The following FNDC3B variants were observed in gnomAD, a reference collection of about 807,000 sequenced individuals.
FNDC3B encodes fibronectin type III domain containing 3B, also known as fibronectin type III domain-containing protein 3B.
In FNDC3B, 12 loss-of-function variants were observed where a neutral mutation model predicts 151.5. The observed-to-expected ratio is 0.08, with a 90% confidence interval of 0.05 to 0.13. FNDC3B has a LOEUF of 0.13. Among genes scored for constraint, FNDC3B ranks in the 10% least tolerant of loss-of-function variants. The probability of loss-of-function intolerance (pLI) is 1.00; values close to 1 mark genes in which losing one functional copy is unlikely to be tolerated. For synonymous variants in FNDC3B, 528 were observed against 549.0 expected (o/e 0.96, Z 0.54); for missense variants, 1,214 against 1,505.3 (o/e 0.81, Z 3.20).
chr3:172,109,315 G>A (rs540886885), intron 1 of FNDC3B, among the ~76,000 whole-genome samples: 67 of 152,228 alleles, frequency 4.4e-4, no homozygotes, highest in African/African-American at 1.4e-3. Context: ...ACAGGCGCCC[G>A]CCACTGCGCC....
chr3:172,200,693 T>C (rs1055562336), intron 3 of FNDC3B, among the ~76,000 whole-genome samples: 4 of 152,248 alleles, frequency 2.6e-5, no homozygotes, highest in South Asian at 2.1e-4. Context: ...TTGCAACTTA[T>C]GCTGGGTTTA....
In FNDC3B at chr3:172,190,710, C is replaced by G. The variant is rs576366184; in HGVS notation, c.188-36161C>G. Among the ~76,000 whole-genome samples the G allele has an allele frequency of 1.7e-4, 26 of 152,128 alleles. 1 individual carries two copies. The highest frequency in any genetic ancestry group is 6.3e-4 in the African/African-American group (26 of 41,478). ...TGAGATGGAGTTTTGCTCTTATTGC[C>G]CAGGCTGGAGTGCAATGGCACGATC... On this transcript the variant is annotated intron_variant, in intron 3 of 25. Transcript: ENST00000415807.
At chr3:172,334,743 T>G (rs1484492285) in intron 14 of FNDC3B, among the ~76,000 whole-genome samples, 1 of 152,180 alleles carries the variant, frequency 6.6e-6, no homozygotes, top group African/African-American at 2.4e-5. Flanking sequence ...TGCTGGCTGG[T>G]TTTATTTTTA....
chr3:172,130,269 A>G (rs1721005105), intron 2 of FNDC3B, among the ~76,000 whole-genome samples: 1 of 152,202 alleles, frequency 6.6e-6, no homozygotes, highest in South Asian at 2.1e-4. Flanking sequence ...CTCAGTGCCA[A>G]GATGAATATG....
chr3:172,239,552 C>T (rs1188702324), intron 4 of FNDC3B, among the ~76,000 whole-genome samples: 1 of 152,208 alleles, frequency 6.6e-6, no homozygotes, highest in East Asian at 1.9e-4. Context: ...TCATATGTGT[C>T]CACGTGCAGA....
rs769856263 is a variant in FNDC3B at position 172,310,921 on chromosome 3, TC to T, written c.1254+41del. The T allele has an allele frequency of 6.4e-6, 9 of 1,414,074 alleles. No individual in the cohort carries two copies. In the South Asian group the frequency reaches 9.2e-5, roughly 14 times the overall value. 87.6% of individuals were successfully genotyped at this position (1,414,074 alleles called of 1,614,324 possible). On this transcript the variant is annotated intron_variant, in intron 11 of 25. Coordinates refer to ENST00000415807, the MANE Select transcript of FNDC3B (RefSeq NM_022763.4). Reference sequence around the variant, plus strand: ...ATATTCACCCATCTAAAACACCATTTCAAAAACAAAATTAACTGAACAAATG... The same window carrying T: ...ATATTCACCCATCTAAAACACCATTTAAAAACAAAATTAACTGAACAAATG...
chr3:172,257,569 T>TACACACACACAC (rs10582558), intron 6 of FNDC3B, among the ~76,000 whole-genome samples: 15 of 143,872 alleles, frequency 1.0e-4, no homozygotes, highest in African/African-American at 3.6e-4. Flanking sequence ...CACGCATTCA[T>TACACACACACAC]ACACACACAC....
chr3:172,337,714 G>A (rs1281016676), intron 16 of FNDC3B: 3 of 312,080 alleles, frequency 9.6e-6, no homozygotes, highest in South Asian at 5.9e-5. Context: ...TTTGAGATAC[G>A]ATCTCTGTCA....
chr3:172,236,912 T>C (rs1727195839), intron 4 of FNDC3B, among the ~76,000 whole-genome samples: 1 of 152,244 alleles, frequency 6.6e-6, no homozygotes, highest in East Asian at 1.9e-4. Flanking sequence ...CAGGGGTTAC[T>C]GTCATTGGAC....
At chr3:172,346,544 G>GGTT (rs1434400977) in intron 20 of FNDC3B, 104 bp downstream of exon 20, 4 of 324,574 alleles carry the variant, frequency 1.2e-5, no homozygotes, top group Non-Finnish European at 2.2e-5. Flanking sequence ...ACATATAGAT[G>GGTT]ATTTTTTTTT....
chr3:172,344,748 G>A (rs1733522221), intron 19 of FNDC3B, among the ~76,000 whole-genome samples: 1 of 152,148 alleles, frequency 6.6e-6, no homozygotes, highest in African/African-American at 2.4e-5. Flanking sequence ...TCCTTCTATT[G>A]CTCCATTTGG....
chr3:172,137,352 G>A (rs1721423482), intron 3 of FNDC3B, among the ~76,000 whole-genome samples: 2 of 152,294 alleles, frequency 1.3e-5, no homozygotes, highest in South Asian at 4.1e-4. Flanking sequence ...GAAGTTGAAA[G>A]CAAATTAATA....
At chr3:172,221,982 A>G (rs1726299271) in intron 3 of FNDC3B, among the ~76,000 whole-genome samples, 1 of 152,228 alleles carries the variant, frequency 6.6e-6, no homozygotes, top group Non-Finnish European at 1.5e-5. Flanking sequence ...AGCTATTTAA[A>G]AAGACTGAAG....
chr3:172,120,325 T>G (rs1720470462), intron 2 of FNDC3B, among the ~76,000 whole-genome samples: 1 of 152,222 alleles, frequency 6.6e-6, no homozygotes, highest in South Asian at 2.1e-4. Context: ...AATGGCAATT[T>G]TAAAATCTAA....
chr3:172,286,029 A>G, intron 7 of FNDC3B, 45 bp downstream of exon 7: 1 of 1,430,590 alleles, frequency 7.0e-7, no homozygotes, highest in Non-Finnish European at 9.6e-7. Flanking sequence ...TTTTTAAAGT[A>G]TTTCAAATGT....
At chr3:172,285,010 A>G (rs1576872738) in intron 6 of FNDC3B, among the ~76,000 whole-genome samples, 1 of 151,824 alleles carries the variant, frequency 6.6e-6, no homozygotes, top group East Asian at 1.9e-4. Flanking sequence ...CTTTTTTTGT[A>G]CACATCCTTC....
In FNDC3B at chr3:172,347,213, G is replaced by A. The variant is rs1040335747; in HGVS notation, c.2366G>A (p.Ser789Asn). The change falls in exon 21 of 26, where the codon AGT becomes AAT. Residue 789 changes from serine (S) to asparagine (N), a missense_variant and splice_region_variant. Physicochemically the swap from Ser to Asn is conservative, Grantham distance 46. Transcript: ENST00000415807. ...CTACTTCCATTTCTGCCTTTCCAGAGTCCTGATAGTTCTGGTGCTGACATC... is the reference window on the plus strand; with the variant it reads ...CTACTTCCATTTCTGCCTTTCCAGAATCCTGATAGTTCTGGTGCTGACATC... ...PDGCVLVGWE[S>N]PDSSGADISE... 5.6e-6 allele frequency: 9 copies of A among 1,611,818 alleles called. No homozygotes were observed. The highest frequency in any genetic ancestry group is 7.6e-6 in the Non-Finnish European group (9 of 1,178,856).
intron 23 of FNDC3B, among the ~76,000 whole-genome samples, chr3:172,366,973 T>C (rs1384761679): frequency 6.6e-6 from 1 of 152,216 alleles, no homozygotes; most frequent in Non-Finnish European, 1.5e-5. Flanking sequence ...CCCCTTAAGT[T>C]TGGGCATGTT....
intron 3 of FNDC3B, among the ~76,000 whole-genome samples, chr3:172,199,880 C>G (rs1365006999): frequency 6.6e-6 from 1 of 152,194 alleles, no homozygotes; most frequent in Non-Finnish European, 1.5e-5. Context: ...TGAGGAACAT[C>G]TCCTGCCACC....
Sources: gnomAD v4.1 joint callset for allele counts (sites outside exome capture counted in the v4.1 genomes callset) on GRCh38, gnomAD v4.1.1 for gene constraint, MANE v1.5 for transcripts, NCBI Gene and HGNC (gene_info 2026-07-23, HGNC 2026-07-21) for gene names.